The following VPS53 variants were observed in gnomAD, a reference collection of about 807,000 sequenced individuals.
VPS53 encodes the protein vacuolar protein sorting-associated protein 53 homolog.
VPS53 carries 70 observed loss-of-function variants against 107.0 expected under a neutral mutation model. That is an observed-to-expected ratio of 0.65 (90% CI 0.54 to 0.80). The LOEUF (loss-of-function observed/expected upper bound fraction) is 0.80. Ranked by LOEUF, VPS53 falls within the 30% of genes least tolerant of loss-of-function variation. VPS53 has a pLI of 0.00. For synonymous variants in VPS53, 409 were observed against 393.3 expected, an observed-to-expected ratio of 1.04 and a Z score of -0.47; for missense variants, 917 against 1,049.4, an observed-to-expected ratio of 0.87 and a Z score of 1.74.
chr17:683,958 C>G (rs974373608), intron 4 of VPS53, among the ~76,000 whole-genome samples: 8 of 152,026 alleles, frequency 5.3e-5, no homozygotes, highest in African/African-American at 1.9e-4. Context: ...TACGTAAAAA[C>G]AAGATGTGGG....
intron 5 of VPS53, chr17:657,350 C>T (rs563204674): frequency 1.6e-4 from 121 of 763,004 alleles, no homozygotes; most frequent in African/African-American, 1.5e-3. Context: ...CAGTTCGGAC[C>T]GTGCCATCGA....
intron 17 of VPS53, among the ~76,000 whole-genome samples, chr17:544,240 T>C (rs1463019818): frequency 1.3e-5 from 2 of 152,178 alleles, no homozygotes; most frequent in African/African-American, 4.8e-5. Flanking sequence ...GAACTCATAA[T>C]CATATCAGCA....
intron 2 of VPS53, among the ~76,000 whole-genome samples, chr17:709,969 A>G (rs1401126401): frequency 1.3e-5 from 2 of 152,002 alleles, no homozygotes; most frequent in African/African-American, 4.8e-5. Flanking sequence ...ACATGCTGAA[A>G]CCCCGTCTCT....
chr17:686,180 C>T (rs1972578812), intron 4 of VPS53, among the ~76,000 whole-genome samples: 1 of 151,932 alleles, frequency 6.6e-6, no homozygotes, highest in South Asian at 2.1e-4. Flanking sequence ...AACAGTCAGG[C>T]ATAGTGGTGT....
Position 579,281 on chromosome 17 carries a change from T to C in VPS53, c.1313+6989A>G, listed in dbSNP as rs71206089. On this transcript the variant is annotated intron_variant, in intron 13 of 21. Transcript: ENST00000437048. ...AGAACCTAATGTATTCCTAGAGAAC[T>C]TCCCTCAGAACCTAATGCGTTCCCA... 3.5e-3 allele frequency among the ~76,000 whole-genome samples: 331 copies of C among 95,858 alleles called. 24 individuals carry two copies. The highest frequency in any genetic ancestry group is 9.3e-3 in the Middle Eastern group (1 of 108). The allele number at this position is 95,858 out of a possible 152,430, so 62.9% of individuals were successfully genotyped here. A position where few individuals can be genotyped will look rare whatever the true frequency, so the allele number is the denominator to read the frequency against.
chr17:545,388 G>A (rs761037750), intron 17 of VPS53, among the ~76,000 whole-genome samples: 40 of 152,164 alleles, frequency 2.6e-4, no homozygotes, highest in Admixed American at 9.2e-4. Context: ...GCCACCTGCT[G>A]AAGTCAGAAG....
At chr17:542,885 G>A (rs978439834) in intron 17 of VPS53, among the ~76,000 whole-genome samples, 1 of 151,596 alleles carries the variant, frequency 6.6e-6, no homozygotes, top group Non-Finnish European at 1.5e-5. Flanking sequence ...GGCTGAGGCA[G>A]GAGAATCACT....
intron 2 of VPS53, among the ~76,000 whole-genome samples, chr17:702,321 T>A (rs1973230288): frequency 6.6e-6 from 1 of 152,002 alleles, no homozygotes; most frequent in African/African-American, 2.4e-5. Flanking sequence ...GCCACTGAAC[T>A]GTAGCCTGGG....
chr17:658,141 C>T lies in VPS53; in HGVS notation c.373-2188G>A, dbSNP rs558503118. Reference sequence around the variant, plus strand: ...ATACATCCCACTAAAGTGAGAAACTCGGCAGGGAGTTCGTGGATAGTTACA... The same window carrying T: ...ATACATCCCACTAAAGTGAGAAACTTGGCAGGGAGTTCGTGGATAGTTACA... On this transcript the variant is annotated intron_variant, in intron 5 of 21. Coordinates refer to ENST00000437048, the MANE Select transcript of VPS53 (RefSeq NM_001128159.3). Among the ~76,000 whole-genome samples the T allele has an allele frequency of 8.1e-4, 118 of 146,238 alleles. 2 individuals are homozygous for T. Among genetic ancestry groups the T allele is most frequent in the African/African-American group, 2.8e-3 (110 of 39,354 alleles).
chr17:582,948 C>A (rs1967121239), intron 13 of VPS53, among the ~76,000 whole-genome samples: 2 of 150,272 alleles, frequency 1.3e-5, no homozygotes, highest in South Asian at 4.2e-4. Flanking sequence ...TCCAGAGAAC[C>A]TCCCTTAGAA....
At chr17:596,882 G>C (rs1334902811) in intron 12 of VPS53, among the ~76,000 whole-genome samples, 1 of 152,182 alleles carries the variant, frequency 6.6e-6, no homozygotes, top group Non-Finnish European at 1.5e-5. Flanking sequence ...TTTCCTCCTG[G>C]AGTTTGGTGG....
intron 2 of VPS53, among the ~76,000 whole-genome samples, chr17:699,634 G>A (rs764234999): frequency 6.6e-6 from 1 of 152,144 alleles, no homozygotes; most frequent in Non-Finnish European, 1.5e-5. Context: ...TATTGCCTGC[G>A]GCTGCTCTTA....
chr17:588,102 G>C lies in VPS53; in HGVS notation c.1219-1738C>G, dbSNP rs554795181. Among the ~76,000 whole-genome samples the C allele has an allele frequency of 8.5e-5, 13 of 152,290 alleles. 1 individual carries two copies. In the South Asian group the frequency reaches 2.7e-3, roughly 32 times the overall value. On this transcript the variant is annotated intron_variant, in intron 12 of 21. Coordinates refer to ENST00000437048, the MANE Select transcript of VPS53 (RefSeq NM_001128159.3). Reference sequence around the variant, plus strand: ...GGAGGCCAAGGTGGGCGGATCACAAGGTCAGGAGTTCAAGACCAGCATGGC... The same window carrying C: ...GGAGGCCAAGGTGGGCGGATCACAACGTCAGGAGTTCAAGACCAGCATGGC...
rs989059192 is a variant in VPS53 at position 586,594 on chromosome 17, A to G, written c.1219-230T>C. On this transcript the variant is annotated intron_variant, in intron 12 of 21. Coordinates refer to ENST00000437048, the MANE Select transcript of VPS53 (RefSeq NM_001128159.3). ...TGAAAGACATACTGCTACCTGGATAACATATGTGTTTTGAATCTGGAAGCA... is the reference window on the plus strand; with the variant it reads ...TGAAAGACATACTGCTACCTGGATAGCATATGTGTTTTGAATCTGGAAGCA... Among the ~76,000 whole-genome samples the G allele has an allele frequency of 5.9e-5, 9 of 152,218 alleles. No individual in the cohort carries two copies. The East Asian group carries it at 1.7e-3, about 29-fold the overall frequency.
chr17:682,850 A>ATTAGATAGGCTACAGAGGAGGGGAT (rs149829822), intron 4 of VPS53, among the ~76,000 whole-genome samples: 10,645 of 152,084 alleles, frequency 0.07, 606 homozygotes, highest in African/African-American at 0.15. Flanking sequence ...TGGTATAAAT[A>ATTAGATAGGCTACAGAGGAGGGGAT]TTAGATAGGC....
intron 19 of VPS53, chr17:532,263 T>A (rs1405350911): frequency 6.6e-6 from 1 of 151,820 alleles, no homozygotes; most frequent in East Asian, 2.0e-4. Context: ...TCCAAGTTTT[T>A]TGCTAGTTTT....
intron 4 of VPS53, among the ~76,000 whole-genome samples, chr17:665,370 C>T (rs916602582): frequency 6.6e-6 from 1 of 152,210 alleles, no homozygotes; most frequent in Non-Finnish European, 1.5e-5. Flanking sequence ...ATGTGGGCCC[C>T]TTGACCTTGG....
At chr17:607,428 T>C (rs1017080718) in intron 11 of VPS53, among the ~76,000 whole-genome samples, 17 of 152,236 alleles carry the variant, frequency 1.1e-4, no homozygotes, top group Admixed American at 8.5e-4. Context: ...GGTGTGGATA[T>C]GCATTCCCGC....
At chr17:565,403 CAAAAA>C (rs535932031) in intron 13 of VPS53, among the ~76,000 whole-genome samples, 2 of 82,514 alleles carry the variant, frequency 2.4e-5, no homozygotes, top group South Asian at 4.7e-4. Context: ...AACCCCATCT[CAAAAA>C]AAAAAAAAAA....
Sources: gnomAD v4.1 joint callset for allele counts (sites outside exome capture counted in the v4.1 genomes callset) on GRCh38, gnomAD v4.1.1 for gene constraint, MANE v1.5 for transcripts, NCBI Gene and HGNC (gene_info 2026-07-23, HGNC 2026-07-21) for gene names.